Variants in ACSBG2 observed in about 807,000 individuals in gnomAD.
The protein encoded by ACSBG2 is long-chain-fatty-acid--CoA ligase ACSBG2.
Under a neutral mutation model 74.7 loss-of-function variants are expected in ACSBG2, and 62 were observed. That is an observed-to-expected ratio of 0.83 (90% CI 0.68 to 1.03). The LOEUF is 1.03. Ranked by LOEUF, ACSBG2 falls within the 50% of genes least tolerant of loss-of-function variation. ACSBG2 has a pLI of 0.00. For synonymous variants in ACSBG2, 309 were observed against 294.1 expected (o/e 1.05, Z -0.52); for missense variants, 730 against 817.6 (o/e 0.89, Z 1.31).
chr19:6,145,165 G>A lies in ACSBG2; in HGVS notation c.68-2281G>A, dbSNP rs75965344. Among the ~76,000 whole-genome samples, 230 of 152,158 alleles carry A rather than the reference G, an allele frequency of 1.5e-3. 1 individual carries two copies. In the East Asian group the frequency reaches 0.029, roughly 19 times the overall value. ...TGTAATCCCAGCACTTTGGGAAGCC[G>A]AGGCAGGCGGATCACAAGGTGAGGA... On this transcript the variant is annotated intron_variant, in intron 2 of 14. Coordinates refer to ENST00000588485, the MANE Select transcript of ACSBG2 (RefSeq NM_030924.5).
chr19:6,181,351 AG>A (rs2090249132), intron 8 of ACSBG2, among the ~76,000 whole-genome samples: 2 of 148,982 alleles, frequency 1.3e-5, no homozygotes, highest in Admixed American at 6.6e-5. Flanking sequence ...GAAGGAAGGA[AG>A]AAAGAAAAAG....
chr19:6,184,852 A>G (rs999797836), intron 10 of ACSBG2, among the ~76,000 whole-genome samples: 2 of 132,440 alleles, frequency 1.5e-5, no homozygotes, highest in African/African-American at 7.2e-5. Context: ...AAAAAAAAAA[A>G]AAAAAAAAAA....
intron 4 of ACSBG2, among the ~76,000 whole-genome samples, chr19:6,153,476 C>T (rs112028025): frequency 0.023 from 3,503 of 152,004 alleles, 51 homozygotes; most frequent in South Asian, 0.053. Context: ...GATCTGAACT[C>T]GTTTGTTCGA....
intron 1 of ACSBG2, among the ~76,000 whole-genome samples, chr19:6,136,265 G>C (rs1599959223): frequency 6.6e-6 from 1 of 151,960 alleles, no homozygotes; most frequent in South Asian, 2.1e-4. Flanking sequence ...CTAATTTTTT[G>C]TATTTTTTAG....
intron 2 of ACSBG2, among the ~76,000 whole-genome samples, chr19:6,143,306 G>A (rs1339977462): frequency 2.0e-5 from 3 of 151,818 alleles, no homozygotes; most frequent in Non-Finnish European, 2.9e-5. Context: ...TGAGATGAAG[G>A]TGTGGGTAGT....
intron 7 of ACSBG2, among the ~76,000 whole-genome samples, chr19:6,173,239 C>T (rs936554375): frequency 9.9e-5 from 15 of 152,056 alleles, no homozygotes; most frequent in African/African-American, 3.1e-4. Context: ...AAAGTCACAG[C>T]GCGTTGTGGG....
Position 6,187,319 on chromosome 19 carries a change from CCA to C in ACSBG2, c.1578_1579del (p.Ile527SerfsTer3). 6.2e-7 allele frequency: 1 copy of C among 1,614,118 alleles called. No homozygotes were observed. The highest frequency in any genetic ancestry group is 8.5e-7 in the Non-Finnish European group (1 of 1,180,032). On this transcript the variant is annotated frameshift_variant, in exon 12 of 15. Transcript: ENST00000588485. LOFTEE classifies it high-confidence loss of function. ...ACTGCTGGTGGTGAAAATGTGCCCC[CCA>C]TTCCTGTTGAGACCTTGGTTAAGAA...
At chr19:6,157,048 G>A (rs1005346643) in intron 5 of ACSBG2, among the ~76,000 whole-genome samples, 8 of 151,868 alleles carry the variant, frequency 5.3e-5, no homozygotes, top group African/African-American at 1.9e-4. Context: ...CTGGGTTCAT[G>A]CCATTCTCCT....
In ACSBG2 at chr19:6,147,551, G is replaced by T. The variant is rs534347073; in HGVS notation, c.173G>T (p.Arg58Leu). ...ETPMTIPEFFRESVNRFGTYP... is the reference protein window; with the variant it reads ...ETPMTIPEFFLESVNRFGTYP... ...CCGATGACCATCCCTGAATTTTTTC[G>T]AGAGTCAGTCAACCGATTTGGAACT... The change falls in exon 3 of 15, where the codon CGA becomes CTA. Residue 58 changes from arginine (R) to leucine (L), a missense_variant. Physicochemically the swap from Arg to Leu is moderately radical, Grantham distance 102. Transcript: ENST00000588485. 3.2e-5 allele frequency: 52 copies of T among 1,614,108 alleles called. 1 individual carries two copies. The Admixed American group carries it at 5.7e-4, about 18-fold the overall frequency.
intron 13 of ACSBG2, among the ~76,000 whole-genome samples, chr19:6,189,506 T>C (rs1488042834): frequency 2.0e-5 from 3 of 151,962 alleles, no homozygotes; most frequent in Non-Finnish European, 4.4e-5. Context: ...CACAGGGAAG[T>C]GACTTGTCCC....
intron 8 of ACSBG2, among the ~76,000 whole-genome samples, chr19:6,181,908 T>C (rs1280454520): frequency 6.6e-6 from 1 of 150,980 alleles, no homozygotes; most frequent in Non-Finnish European, 1.5e-5. Flanking sequence ...TTTGTTCCAC[T>C]GATCTGCATC....
chr19:6,136,152 C>T (rs1253924351), intron 1 of ACSBG2, among the ~76,000 whole-genome samples: 2 of 147,428 alleles, frequency 1.4e-5, no homozygotes, highest in African/African-American at 5.1e-5. Context: ...GTTGCCCAGG[C>T]GCAATCTCGG....
intron 1 of ACSBG2, among the ~76,000 whole-genome samples, chr19:6,141,053 G>T (rs950925332): frequency 5.3e-5 from 8 of 152,086 alleles, no homozygotes; most frequent in Non-Finnish European, 1.0e-4. Flanking sequence ...TCCCCAATTT[G>T]TTGTTGATCT....
chr19:6,146,065 A>G (rs1456544618), intron 2 of ACSBG2, among the ~76,000 whole-genome samples: 4 of 152,194 alleles, frequency 2.6e-5, no homozygotes, highest in Non-Finnish European at 5.9e-5. Context: ...TTTACCTTTA[A>G]AAAAATCTCC....
intron 1 of ACSBG2, among the ~76,000 whole-genome samples, chr19:6,139,823 A>AC (rs2088750023): frequency 6.6e-6 from 1 of 152,082 alleles, no homozygotes; most frequent in Non-Finnish European, 1.5e-5. Context: ...TCACACCTGT[A>AC]ATCCCAGCAC....
At chr19:6,151,934 A>G (rs758802822) in intron 4 of ACSBG2, 139 bp downstream of exon 4, 1 of 716,464 alleles carries the variant, frequency 1.4e-6, no homozygotes, top group Non-Finnish European at 2.4e-6. Flanking sequence ...AGATGCACGA[A>G]CAAATCATTC....
chr19:6,182,317 T>C (rs2090283086), intron 8 of ACSBG2, among the ~76,000 whole-genome samples: 1 of 152,180 alleles, frequency 6.6e-6, no homozygotes, highest in Non-Finnish European at 1.5e-5. Flanking sequence ...AATATTCCAC[T>C]GCATGCTTGG....
At chr19:6,176,538 A>G (rs16993435) in intron 7 of ACSBG2, 22,589 of 378,192 alleles carry the variant, frequency 0.06, 1,857 homozygotes, top group African/African-American at 0.26. Flanking sequence ...CAGCACAGAC[A>G]ATGGACATCT....
intron 2 of ACSBG2, among the ~76,000 whole-genome samples, chr19:6,146,761 G>A (rs371211648): frequency 3.9e-4 from 59 of 150,610 alleles, no homozygotes; most frequent in Admixed American, 8.0e-4. Context: ...GCAAAGCTCC[G>A]TCTCAAAAAC....
Sources: allele counts gnomAD v4.1 joint callset (sites outside exome capture counted in the v4.1 genomes callset), GRCh38; gene constraint gnomAD v4.1.1; transcripts MANE v1.5; gene names NCBI Gene and HGNC (gene_info 2026-07-23, HGNC 2026-07-21).